HFM1: variants seen among roughly 807,000 people sequenced by gnomAD.
The protein encoded by HFM1 is probable ATP-dependent DNA helicase HFM1.
In HFM1, 169 loss-of-function variants were observed where a neutral mutation model predicts 192.1. That is an observed-to-expected ratio of 0.88 (90% CI 0.78 to 1.00). The LOEUF is 1.00. HFM1 is among the 50% of genes least tolerant of loss of function. The pLI is 0.00. For synonymous variants in HFM1, 525 were observed against 537.8 expected (o/e 0.98, Z 0.33); for missense variants, 1,661 against 1,668.0 (o/e 1.00, Z 0.07).
intron 20 of HFM1, among the ~76,000 whole-genome samples, chr1:91,341,497 G>T (rs1488697930): frequency 1.3e-5 from 2 of 151,974 alleles, no homozygotes; most frequent in Admixed American, 6.6e-5. Flanking sequence ...TATCACATTA[G>T]CAACCTCACT....
Position 91,353,292 on chromosome 1 carries a change from T to C in HFM1, c.1693A>G (p.Lys565Glu). Residue 565 changes from lysine to glutamate, a missense_variant, in exon 14 of 39, where the codon AAG becomes GAG. Coordinates refer to ENST00000370425, the MANE Select transcript of HFM1 (RefSeq NM_001017975.6). The stretch of plus-strand genomic sequence containing the variant: ...GAATCTCTTACGGAATATGCATACT[T>C]CTGTAACCTATTTAAAAATACCATA... ...MTVEQKQRLQ[K>E]YAYSVRDSKL... is the part of the protein sequence containing the mutation. 6.5e-7 allele frequency: 1 copy of C among 1,549,990 alleles called. No homozygotes were observed. The highest frequency in any genetic ancestry group is 8.8e-7 in the Non-Finnish European group (1 of 1,130,456).
chr1:91,351,479 G>T (rs935264484), intron 17 of HFM1, 70 bp downstream of exon 17: 2 of 818,062 alleles, frequency 2.4e-6, no homozygotes, highest in Non-Finnish European at 3.9e-6. Context: ...ATTTCCCTTT[G>T]ATATTTTAAA....
chr1:91,380,308 A>G (rs1007441743), intron 7 of HFM1, 72 bp from the exon 8 acceptor site: 6 of 980,064 alleles, frequency 6.1e-6, no homozygotes, highest in Non-Finnish European at 8.6e-6. Flanking sequence ...TGTTAAAAAA[A>G]AAGTCTTAGT....
At chr1:91,298,535 G>C (rs1010505345) in intron 30 of HFM1, among the ~76,000 whole-genome samples, 2 of 152,168 alleles carry the variant, frequency 1.3e-5, no homozygotes, top group African/African-American at 2.4e-5. Flanking sequence ...AGCAGCCAGA[G>C]AGAAAGGTTG....
intron 34 of HFM1, among the ~76,000 whole-genome samples, chr1:91,273,409 A>G (rs1220637437): frequency 1.3e-5 from 2 of 152,122 alleles, no homozygotes; most frequent in East Asian, 3.8e-4. Flanking sequence ...GTAATCATTC[A>G]GTATGTTAAT....
chr1:91,371,915 A>T (rs960635964), intron 13 of HFM1, among the ~76,000 whole-genome samples: 1 of 152,222 alleles, frequency 6.6e-6, no homozygotes, highest in African/African-American at 2.4e-5. Flanking sequence ...ACCCCAACAA[A>T]AAGTGGGTGA....
rs76351734 is a variant in HFM1, at chr1:91,355,585, A to G, written c.1686-2286T>C. 1.6e-3 allele frequency among the ~76,000 whole-genome samples: 240 copies of G among 152,284 alleles called. 3 individuals carry two copies. In the East Asian group the frequency reaches 0.023, roughly 15 times the overall value. ...GGTGGCTATTCTTACATCAGTTAAAATGACTTTAAGTCAAAAACTGTTACA... is the reference window on the plus strand; with the variant it reads ...GGTGGCTATTCTTACATCAGTTAAAGTGACTTTAAGTCAAAAACTGTTACA... On this transcript the variant is annotated intron_variant, in intron 13 of 38. Transcript: ENST00000370425.
At chr1:91,396,025 AT>A (rs1277677410) in intron 3 of HFM1, among the ~76,000 whole-genome samples, 1 of 151,682 alleles carries the variant, frequency 6.6e-6, no homozygotes, top group Non-Finnish European at 1.5e-5. Flanking sequence ...GTTTTTTTGT[AT>A]TTTTAGTAGA....
At chr1:91,379,946 ATG>A (rs993728358) in intron 8 of HFM1, among the ~76,000 whole-genome samples, 156 bp downstream of exon 8, 4 of 152,128 alleles carry the variant, frequency 2.6e-5, no homozygotes, top group African/African-American at 9.7e-5. Context: ...ATTTTGGAAA[ATG>A]TGTTTTAAAT....
intron 33 of HFM1, among the ~76,000 whole-genome samples, chr1:91,274,084 A>C (rs1038807245): frequency 6.6e-5 from 10 of 152,006 alleles, no homozygotes; most frequent in Non-Finnish European, 1.2e-4. Context: ...GTTCTGTACT[A>C]GTTGTTAAAT....
rs117297064 is a variant in HFM1, at chr1:91,313,250, A to C, written c.3391+99T>G. 1,400 of 600,676 alleles carry C rather than the reference A, an allele frequency of 2.3e-3. 17 individuals are homozygous for C. The East Asian group carries it at 0.024, about 10-fold the overall frequency. 37.2% of individuals were successfully genotyped at this position (600,676 alleles called of 1,614,324 possible). A position where few individuals can be genotyped will look rare whatever the true frequency, so the allele number is the denominator to read the frequency against. ...ATGAAGCTTAAATATCTTATTCCAG[A>C]GTATCCTCAATCTGAGTGTTGCAGT... On this transcript the variant is annotated intron_variant, in intron 30 of 38. Coordinates refer to ENST00000370425, the MANE Select transcript of HFM1 (RefSeq NM_001017975.6).
At chr1:91,322,385 C>T (rs565737971) in intron 23 of HFM1, among the ~76,000 whole-genome samples, 1 of 152,272 alleles carries the variant, frequency 6.6e-6, no homozygotes, top group South Asian at 2.1e-4. Context: ...GACCTACATA[C>T]TCAGAAAGCC....
chr1:91,403,823 TTTAG>T (rs1664561175), intron 1 of HFM1, among the ~76,000 whole-genome samples: 1 of 152,208 alleles, frequency 6.6e-6, no homozygotes. Flanking sequence ...ACAATTAATC[TTTAG>T]TTATATTAAT....
intron 30 of HFM1, among the ~76,000 whole-genome samples, chr1:91,291,944 CA>C (rs1668813366): frequency 6.6e-6 from 1 of 152,100 alleles, no homozygotes; most frequent in African/African-American, 2.4e-5. Context: ...AGAACCAAGA[CA>C]AAAACCACAT....
At chr1:91,342,975 C>G (rs971744883) in intron 20 of HFM1, among the ~76,000 whole-genome samples, 1 of 152,028 alleles carries the variant, frequency 6.6e-6, no homozygotes, top group Non-Finnish European at 1.5e-5. Flanking sequence ...AGCCTGTAAT[C>G]CCAGCACTTT....
chr1:91,303,040 C>T (rs1458744825), intron 30 of HFM1, among the ~76,000 whole-genome samples: 1 of 152,138 alleles, frequency 6.6e-6, no homozygotes, highest in Admixed American at 6.6e-5. Flanking sequence ...CCATACCATT[C>T]ACATTTTTAA....
Position 91,315,897 on chromosome 1 carries a change from T to C in HFM1, c.3058A>G (p.Lys1020Glu), listed in dbSNP as rs763919508. 3 of 1,608,758 alleles carry C rather than the reference T, an allele frequency of 1.9e-6. No individual in the cohort carries two copies. Among genetic ancestry groups the C allele is most frequent in the South Asian group, 1.1e-5 (1 of 90,896 alleles). ...ILRNFEQLQT[K>E]RTASDSHYVT... ...TAGTGAGAATCCGATGCTGTTCTTT[T>C]AGTTTGTAGCTGTTCAAAATTTCTT... Residue 1020 changes from lysine to glutamate, a missense_variant, in exon 28 of 39, where the codon AAA becomes GAA. Lys to Glu is a moderately conservative substitution (Grantham distance 56). Coordinates refer to ENST00000370425, the MANE Select transcript of HFM1 (RefSeq NM_001017975.6).
At chr1:91,293,980 A>G (rs1478665468) in intron 30 of HFM1, among the ~76,000 whole-genome samples, 2 of 148,522 alleles carry the variant, frequency 1.3e-5, no homozygotes, top group African/African-American at 4.9e-5. Context: ...ATTCTCACTC[A>G]TAGGTGGGAA....
chr1:91,328,872 C>T, intron 20 of HFM1: 1 of 1,610,820 alleles, frequency 6.2e-7, no homozygotes, highest in Non-Finnish European at 8.5e-7. Flanking sequence ...GCCAGCTGTG[C>T]TGCCCTGGTG....
Sources: allele counts gnomAD v4.1 joint callset (sites outside exome capture counted in the v4.1 genomes callset), GRCh38; gene constraint gnomAD v4.1.1; transcripts MANE v1.5; gene names NCBI Gene and HGNC (gene_info 2026-07-23, HGNC 2026-07-21).